Variants in TTLL12 observed in about 807,000 individuals in gnomAD.
The protein encoded by TTLL12 is tubulin--tyrosine ligase-like protein 12.
A neutral mutation model predicts 79.6 loss-of-function variants in TTLL12; 77 were observed. The observed-to-expected ratio is 0.97, with a 90% CI of 0.81 to 1.17. The LOEUF is 1.17. Among genes scored for constraint, TTLL12 ranks in the 50% most tolerant of loss-of-function variants. The pLI is 0.00. For missense variants in TTLL12, 969 were observed against 895.9 expected, an observed-to-expected ratio of 1.08 and a Z score of -1.04; for synonymous variants, 437 against 376.1, an observed-to-expected ratio of 1.16 and a Z score of -1.87.
At chr22:43,176,517 G>C in intron 5 of TTLL12, 121 bp from the exon 6 acceptor site, 2 of 785,828 alleles carry the variant, frequency 2.5e-6, no homozygotes, top group Admixed American at 2.1e-5. Context: ...ATCACGTGAT[G>C]TCAGGAGCTC....
Position 43,179,653 on chromosome 22 carries a change from G to A in TTLL12, c.806C>T (p.Ser269Phe). 2 of 1,586,296 alleles carry A rather than the reference G, an allele frequency of 1.3e-6. No homozygotes were observed. Among genetic ancestry groups the A allele is most frequent in the Non-Finnish European group, 1.7e-6 (2 of 1,166,390 alleles). The stretch of plus-strand genomic sequence containing the variant: ...CTCGGCGGGCGGCTCGGGTGTGCAA[G>A]AGCTGAGGTCCAGCATGTCGGTGGG... The part of the protein sequence containing the change: ...WAPTDMLDLS[S>F]CTPEPPAEHY... The change falls in exon 5 of 14, where the codon TCT becomes TTT. Residue 269 changes from serine (S) to phenylalanine (F), a missense_variant. Physicochemically the swap from Ser to Phe is radical, Grantham distance 155 (BLOSUM62 -2). Transcript: ENST00000216129.
intron 6 of TTLL12, among the ~76,000 whole-genome samples, chr22:43,175,999 G>C (rs1209546892): frequency 6.6e-6 from 1 of 151,350 alleles, no homozygotes; most frequent in Admixed American, 6.6e-5. Flanking sequence ...CATAGGTGAG[G>C]TGTGAAACCT....
Position 43,168,009 on chromosome 22 carries a change from T to C in TTLL12, c.1934A>G (p.Ter645TrpextTer19). The change falls in exon 14 of 14, where the codon TAG becomes TGG. Residue 645 changes from the stop codon to tryptophan, a stop_lost. Transcript: ENST00000216129. ...ACAGGTTTTGGGGACAGCGAGTGCC[T>C]AGACAAGGCAGGTAACGTGGCAGCC... ...PGGCHVTCLV* is the reference protein window; with the variant it reads ...PGGCHVTCLVW 2 of 1,613,526 alleles carry C rather than the reference T, an allele frequency of 1.2e-6. No individual in the cohort carries two copies. Among genetic ancestry groups the C allele is most frequent in the South Asian group, 2.2e-5 (2 of 91,046 alleles).
At chr22:43,185,247 T>TTATA (rs3985927) in intron 1 of TTLL12, among the ~76,000 whole-genome samples, 44 of 115,644 alleles carry the variant, frequency 3.8e-4, no homozygotes, top group East Asian at 6.8e-4. Context: ...AAGAAAAAAA[T>TTATA]TATATATATA....
At chr22:43,178,006 G>A (rs1206662216) in intron 5 of TTLL12, among the ~76,000 whole-genome samples, 1 of 152,144 alleles carries the variant, frequency 6.6e-6, no homozygotes, top group Non-Finnish European at 1.5e-5. Context: ...AGCTTCCCAA[G>A]GAAAAACACA....
At chr22:43,186,845 C>T in intron 1 of TTLL12, 48 bp downstream of exon 1, 2 of 1,241,006 alleles carry the variant, frequency 1.6e-6, no homozygotes, top group Non-Finnish European at 2.0e-6. Flanking sequence ...GGGCTCCCGC[C>T]GCGCTCCCAC....
intron 1 of TTLL12, among the ~76,000 whole-genome samples, chr22:43,183,892 C>T (rs541194974): frequency 2.1e-3 from 327 of 152,382 alleles, no homozygotes; most frequent in Non-Finnish European, 3.9e-3. Context: ...GGTTTCACCA[C>T]TTCCTAGACA....
At chr22:43,169,899 T>C (rs749212928) in intron 11 of TTLL12, 75 of 471,390 alleles carry the variant, frequency 1.6e-4, no homozygotes, top group Non-Finnish European at 2.8e-4. Context: ...CTCCAGAAAC[T>C]GCAGGGCCTG....
intron 5 of TTLL12, among the ~76,000 whole-genome samples, chr22:43,177,727 C>T (rs896865184): frequency 6.6e-6 from 1 of 152,240 alleles, no homozygotes; most frequent in Non-Finnish European, 1.5e-5. Context: ...GGGTCCACAG[C>T]CCGACGGGCG....
At chr22:43,181,065 G>T in intron 2 of TTLL12, 125 bp from the exon 3 acceptor site, 1 of 1,128,422 alleles carries the variant, frequency 8.9e-7, no homozygotes, top group South Asian at 1.6e-5. Context: ...GGTCTACTGG[G>T]TGCCATAGTT....
intron 11 of TTLL12, among the ~76,000 whole-genome samples, chr22:43,171,080 T>C (rs1931752456): frequency 6.6e-6 from 1 of 152,166 alleles, no homozygotes; most frequent in Non-Finnish European, 1.5e-5. Flanking sequence ...CCGCGGCACC[T>C]GCAAGGCTGG....
chr22:43,181,703 G>C (rs73163911), intron 2 of TTLL12, among the ~76,000 whole-genome samples: 13,006 of 152,256 alleles, frequency 0.085, 627 homozygotes, highest in Non-Finnish European at 0.11. Context: ...GCTTGCCCCC[G>C]TCTCTGTTCC....
In TTLL12 at chr22:43,179,833, G is replaced by A; in HGVS notation, c.706+8C>T. The A allele has an allele frequency of 6.3e-7, 1 of 1,579,140 alleles. No homozygotes were observed. Among genetic ancestry groups the A allele is most frequent in the Middle Eastern group, 1.7e-4 (1 of 5,910 alleles). On this transcript the variant is annotated splice_region_variant and intron_variant, in intron 4 of 13. Coordinates refer to ENST00000216129, the MANE Select transcript of TTLL12 (RefSeq NM_015140.4). ...CCCTCCTCCAGGGCGGGCAGGTGCT[G>A]GACTTACCGCCAGTGTCCAGGTCCC...
rs568896979 is a variant in TTLL12, at chr22:43,184,866, C to G, written c.178-1717G>C. ...CCCCTTCATGGCAGGACTGGAAGAG[C>G]TCCCCAGGAGATAAGGGGAGTGGTT... On this transcript the variant is annotated intron_variant, in intron 1 of 13. Coordinates refer to ENST00000216129, the MANE Select transcript of TTLL12 (RefSeq NM_015140.4). Among the ~76,000 whole-genome samples the G allele has an allele frequency of 4.0e-4, 61 of 152,322 alleles. 2 individuals are homozygous for G. The highest frequency in any genetic ancestry group is 1.4e-3 in the African/African-American group (59 of 41,576).
At chr22:43,186,196 C>CCT (rs1555982126) in intron 1 of TTLL12, among the ~76,000 whole-genome samples, 1 of 144,952 alleles carries the variant, frequency 6.9e-6, no homozygotes, top group African/African-American at 2.5e-5. Context: ...AACACCCCCC[C>CCT]CCCCGCCAGC....
intron 2 of TTLL12, 110 bp from the exon 3 acceptor site, chr22:43,181,050 G>C: frequency 8.0e-7 from 1 of 1,253,172 alleles, no homozygotes; most frequent in South Asian, 1.5e-5. Context: ...AGCTTCCTTA[G>C]ATTTGGTCTA....
chr22:43,167,697 C>A lies in TTLL12; in HGVS notation c.*311G>T. 1 of 252,456 alleles carries A rather than the reference C, an allele frequency of 4.0e-6. No homozygotes were observed. Among genetic ancestry groups the A allele is most frequent in the Non-Finnish European group, 7.6e-6 (1 of 131,136 alleles). The allele number at this position is 252,456 out of a possible 1,614,324, so 15.6% of individuals were successfully genotyped here. A position where few individuals can be genotyped will look rare whatever the true frequency, so the allele number is the denominator to read the frequency against. ...AGCAGCCAGGAACAAATTCTCCATG[C>A]CAGGAACAAAGCCCTTGGCTAAACT... On this transcript the variant is annotated 3_prime_UTR_variant, in exon 14 of 14. Coordinates refer to ENST00000216129, the MANE Select transcript of TTLL12 (RefSeq NM_015140.4).
Position 43,174,606 on chromosome 22 carries a change from C to T in TTLL12, c.927G>A (p.Thr309=), listed in dbSNP as rs778999708. ...HPHGHIFKVY[T]DVQQVASSLT... ...GGCTGCTGGCCACCTGCTGCACGTC[C>T]GTGTAGACCCTGTGGGGAGAGCCCG... The change falls in exon 7 of 14, where the codon ACG becomes ACA. Residue 309 remains threonine, a synonymous_variant. Transcript: ENST00000216129. The T allele has an allele frequency of 3.2e-5, 52 of 1,607,372 alleles. No homozygotes were observed. The East Asian group carries it at 4.2e-4, about 13-fold the overall frequency.
In TTLL12 at chr22:43,174,498, C is replaced by T; in HGVS notation, c.1034+1G>A. The T allele has an allele frequency of 6.2e-7, 1 of 1,608,586 alleles. No homozygotes were observed. Among genetic ancestry groups the T allele is most frequent in the Non-Finnish European group, 8.5e-7 (1 of 1,176,338 alleles). ...GCCCCTGCGGCCAGAGGTGCCCTCA[C>T]CTGTAGTCCTTGAAGTGTGAGAAGT... On this transcript the variant is annotated splice_donor_variant, in intron 7 of 13. Transcript: ENST00000216129. LOFTEE classifies it high-confidence loss of function.
Sources: gnomAD v4.1 joint callset for allele counts (sites outside exome capture counted in the v4.1 genomes callset) on GRCh38, gnomAD v4.1.1 for gene constraint, MANE v1.5 for transcripts, NCBI Gene and HGNC (gene_info 2026-07-23, HGNC 2026-07-21) for gene names.